DYSF: variants seen among roughly 807,000 people sequenced by gnomAD.
The protein encoded by DYSF is dystrophy-associated fer-1-like 1.
A neutral mutation model predicts 274.9 loss-of-function variants in DYSF; 212 were observed. That is an observed-to-expected ratio of 0.77 (90% CI 0.69 to 0.86). The LOEUF is 0.86. DYSF is among the 40% of genes least tolerant of loss of function. The pLI is 0.00. For missense variants in DYSF, 2,666 were observed against 2,783.2 expected (o/e 0.96, Z 0.95); for synonymous variants, 1,091 against 1,078.7 (o/e 1.01, Z -0.22).
In DYSF at chr2:71,683,898, A is replaced by G. The variant is rs1035892268; in HGVS notation, c.6321+1221A>G. Among the ~76,000 whole-genome samples the G allele has an allele frequency of 3.4e-5, 5 of 146,154 alleles. No homozygotes were observed. The East Asian group carries it at 1.0e-3, about 30-fold the overall frequency. ...CAGAATGCATCTCAGAGAGGAAGAG[A>G]GTTATAACCACACAGCTTTCCATGC... On this transcript the variant is annotated intron_variant, in intron 55 of 55. Coordinates refer to ENST00000410020, the MANE Select transcript of DYSF (RefSeq NM_001130987.2).
intron 17 of DYSF, among the ~76,000 whole-genome samples, chr2:71,543,783 G>C (rs956689354): frequency 1.3e-5 from 2 of 152,198 alleles, no homozygotes; most frequent in African/African-American, 4.8e-5. Context: ...AATCAGGCAC[G>C]GAGGTTGCAG....
At chr2:71,594,929 C>T (rs1231447630) in intron 32 of DYSF, among the ~76,000 whole-genome samples, 1 of 152,188 alleles carries the variant, frequency 6.6e-6, no homozygotes, top group Non-Finnish European at 1.5e-5. Context: ...CTCTTAAGAG[C>T]CTGGATTATG....
chr2:71,457,151 G>A (rs2081102189), intron 1 of DYSF, among the ~76,000 whole-genome samples: 1 of 152,180 alleles, frequency 6.6e-6, no homozygotes, highest in Non-Finnish European at 1.5e-5. Context: ...CTGACACCAT[G>A]CTTATTTTAA....
In DYSF at chr2:71,669,892, CA is replaced by C. The variant is rs2095088693; in HGVS notation, c.5784+147del. On this transcript the variant is annotated intron_variant, in intron 51 of 55. Transcript: ENST00000410020. ...GCTACCACTGCCATCTCCACATGGC[CA>C]CCACCTCCACTGTCCCAGCACTGCC... 16 of 1,012,202 alleles carry C rather than the reference CA, an allele frequency of 1.6e-5. No individual in the cohort carries two copies. The South Asian group carries it at 2.2e-4, about 14-fold the overall frequency. The allele number at this position is 1,012,202 out of a possible 1,614,324, so 62.7% of individuals were successfully genotyped here.
intron 3 of DYSF, among the ~76,000 whole-genome samples, chr2:71,484,556 A>G (rs1573432999): frequency 6.6e-6 from 1 of 152,168 alleles, no homozygotes; most frequent in Non-Finnish European, 1.5e-5. Flanking sequence ...AAAATATACA[A>G]TAGATTATTG....
At chr2:71,608,113 AG>A (rs1427383302) in intron 36 of DYSF, among the ~76,000 whole-genome samples, 2 of 151,952 alleles carry the variant, frequency 1.3e-5, no homozygotes, top group Non-Finnish European at 1.5e-5. Context: ...TCCTTCGGGT[AG>A]GGGACTCTGG....
chr2:71,511,530 T>C (rs2086093792), intron 4 of DYSF, among the ~76,000 whole-genome samples: 1 of 152,196 alleles, frequency 6.6e-6, no homozygotes, highest in Non-Finnish European at 1.5e-5. Context: ...CTAACCCCAA[T>C]TTTATAGATG....
chr2:71,637,301 A>C (rs1227561093), intron 41 of DYSF, among the ~76,000 whole-genome samples: 1 of 152,186 alleles, frequency 6.6e-6, no homozygotes, highest in Non-Finnish European at 1.5e-5. Flanking sequence ...AGCCCCAGGC[A>C]TGAGGGCAGA....
chr2:71,672,191 GGAGACAGAAACTGGCTTGGCCGAAGGCA>G (rs914806256), intron 51 of DYSF, among the ~76,000 whole-genome samples: 4 of 151,282 alleles, frequency 2.6e-5, no homozygotes, highest in Admixed American at 6.6e-5. Context: ...GGCCGAAGGC[GGAGACAGAAACTGGCTTGGCCGAAGGCA>G]GAGCCAGAGG....
At chr2:71,484,508 T>C (rs975806313) in intron 3 of DYSF, among the ~76,000 whole-genome samples, 2 of 152,258 alleles carry the variant, frequency 1.3e-5, no homozygotes, top group East Asian at 3.8e-4. Flanking sequence ...TCATTTCTTG[T>C]GTTAGCAACA....
chr2:71,668,246 T>G (rs1244460646), intron 48 of DYSF, among the ~76,000 whole-genome samples: 3 of 152,144 alleles, frequency 2.0e-5, no homozygotes, highest in Admixed American at 2.0e-4. Flanking sequence ...GCACAACAGG[T>G]GTGGAAACTT....
intron 3 of DYSF, among the ~76,000 whole-genome samples, chr2:71,497,403 C>T (rs923487124): frequency 3.3e-5 from 5 of 152,122 alleles, no homozygotes; most frequent in African/African-American, 9.7e-5. Context: ...ATCATGGGGA[C>T]AGTTATCTTC....
chr2:71,658,011 C>T (rs2094805024), intron 43 of DYSF, among the ~76,000 whole-genome samples: 1 of 152,218 alleles, frequency 6.6e-6, no homozygotes, highest in Non-Finnish European at 1.5e-5. Flanking sequence ...TCTGCATCAT[C>T]AGGCTGCACA....
chr2:71,640,890 T>A (rs2094475424), intron 41 of DYSF, among the ~76,000 whole-genome samples: 1 of 152,198 alleles, frequency 6.6e-6, no homozygotes, highest in Non-Finnish European at 1.5e-5. Context: ...AAAGAAATGA[T>A]CTTGGCCTCC....
chr2:71,514,391 C>G (rs1261866682), intron 7 of DYSF, among the ~76,000 whole-genome samples: 2 of 152,068 alleles, frequency 1.3e-5, no homozygotes, highest in African/African-American at 4.8e-5. Flanking sequence ...GAAGCTCTGT[C>G]TAACATCTTT....
intron 33 of DYSF, among the ~76,000 whole-genome samples, chr2:71,600,054 C>G (rs1450070050): frequency 6.6e-6 from 1 of 152,082 alleles, no homozygotes. Context: ...GGGGACTCGG[C>G]AGGACTGAGT....
intron 1 of DYSF, among the ~76,000 whole-genome samples, chr2:71,473,514 C>A (rs1573337775): frequency 2.0e-5 from 3 of 152,334 alleles, no homozygotes; most frequent in Admixed American, 2.0e-4. Context: ...TGGGCAGATG[C>A]AGCTGTCTCT....
chr2:71,567,058 G>A (rs2092152182), intron 24 of DYSF, among the ~76,000 whole-genome samples: 1 of 152,204 alleles, frequency 6.6e-6, no homozygotes, highest in African/African-American at 2.4e-5. Context: ...TTAATGTGTT[G>A]CCTCCTCTAG....
chr2:71,569,861 A>G lies in DYSF; in HGVS notation c.2906A>G (p.Glu969Gly). ...DMDAGHLSFV[E>G]EVFENQTRLP... The stretch of plus-strand genomic sequence containing the variant: ...GACGCCGGTCACCTGAGCTTCGTGG[A>G]AGAGGTGTTTGAGAACCAGACCCGG... Residue 969 changes from glutamate to glycine, a missense_variant, in exon 27 of 56, where the codon GAA becomes GGA. Glu to Gly is a moderately conservative substitution (Grantham distance 98). Transcript: ENST00000410020. The G allele has an allele frequency of 6.2e-7, 1 of 1,614,116 alleles. No individual in the cohort carries two copies.
Sources: gnomAD v4.1 joint callset for allele counts (sites outside exome capture counted in the v4.1 genomes callset) on GRCh38, gnomAD v4.1.1 for gene constraint, MANE v1.5 for transcripts, NCBI Gene and HGNC (gene_info 2026-07-23, HGNC 2026-07-21) for gene names.